Variants in ERBB4 observed in about 807,000 individuals in gnomAD.
ERBB4 encodes the protein erb-b2 receptor tyrosine kinase 4.
In ERBB4, 42 loss-of-function variants were observed where a neutral mutation model predicts 158.0. The observed-to-expected ratio is 0.27, with a 90% CI of 0.21 to 0.34. The LOEUF (loss-of-function observed/expected upper bound fraction) is 0.34. Ranked by LOEUF, ERBB4 falls within the 10% of genes least tolerant of loss-of-function variation. ERBB4 has a pLI of 1.00. For synonymous variants in ERBB4, 583 were observed against 558.7 expected (o/e 1.04, Z -0.61); for missense variants, 1,333 against 1,624.1 (o/e 0.82, Z 3.08).
chr2:211,582,447 G>C (rs148677651), intron 19 of ERBB4, among the ~76,000 whole-genome samples: 3 of 152,118 alleles, frequency 2.0e-5, no homozygotes, highest in Admixed American at 6.6e-5. Flanking sequence ...TTAAGAACCA[G>C]ATCAAACTGA....
At chr2:211,562,731 A>G (rs2125724195) in intron 19 of ERBB4, among the ~76,000 whole-genome samples, 1 of 151,070 alleles carries the variant, frequency 6.6e-6, no homozygotes, top group East Asian at 1.9e-4. Flanking sequence ...GATTCATAAA[A>G]TTTGAGAGCT....
intron 1 of ERBB4, among the ~76,000 whole-genome samples, chr2:212,338,447 G>A (rs1457554963): frequency 6.6e-6 from 1 of 152,080 alleles, no homozygotes; most frequent in Non-Finnish European, 1.5e-5. Flanking sequence ...ATATTTGAAA[G>A]ATCCATATAT....
At chr2:212,222,609 C>G (rs1022058189) in intron 1 of ERBB4, among the ~76,000 whole-genome samples, 1 of 146,400 alleles carries the variant, frequency 6.8e-6, no homozygotes, top group Non-Finnish European at 1.5e-5. Context: ...ACACCATATT[C>G]TCTTGGCTTT....
intron 1 of ERBB4, among the ~76,000 whole-genome samples, chr2:212,376,545 C>T (rs1342127151): frequency 2.6e-5 from 4 of 152,044 alleles, no homozygotes; most frequent in Non-Finnish European, 4.4e-5. Flanking sequence ...ATTCCTCTCA[C>T]CAAACAAAGG....
chr2:211,888,834 T>C (rs2078879602), intron 3 of ERBB4, among the ~76,000 whole-genome samples: 1 of 151,622 alleles, frequency 6.6e-6, no homozygotes, highest in Non-Finnish European at 1.5e-5. Context: ...TATTGCGCTT[T>C]TCAGACCGGC....
intron 1 of ERBB4, among the ~76,000 whole-genome samples, chr2:212,272,342 T>C (rs1372654061): frequency 2.1e-5 from 3 of 142,218 alleles, no homozygotes; most frequent in Admixed American, 6.7e-5. Context: ...ACAATTCCCA[T>C]TTATTTTTCC....
intron 1 of ERBB4, among the ~76,000 whole-genome samples, chr2:212,196,659 G>T (rs2105892144): frequency 6.6e-6 from 1 of 152,206 alleles, no homozygotes; most frequent in South Asian, 2.1e-4. Flanking sequence ...TACTAAACCT[G>T]ATGGAATAGT....
intron 22 of ERBB4, among the ~76,000 whole-genome samples, chr2:211,426,869 G>A (rs1273683325): frequency 2.6e-5 from 4 of 151,622 alleles, no homozygotes; most frequent in Non-Finnish European, 4.4e-5. Context: ...ATCATGTAAT[G>A]TATAAATGCT....
intron 1 of ERBB4, among the ~76,000 whole-genome samples, chr2:212,451,202 A>G (rs1171776206): frequency 2.0e-5 from 3 of 152,236 alleles, no homozygotes. Flanking sequence ...GGATTATGAC[A>G]AAGACTTGGT....
chr2:212,513,929 T>C (rs1691675808), intron 1 of ERBB4, among the ~76,000 whole-genome samples: 2 of 152,260 alleles, frequency 1.3e-5, no homozygotes, highest in Admixed American at 1.3e-4. Flanking sequence ...GTGTATGTTT[T>C]AGTTACTACA....
intron 3 of ERBB4, among the ~76,000 whole-genome samples, chr2:211,828,408 C>A (rs533392776): frequency 2.6e-5 from 4 of 152,194 alleles, no homozygotes; most frequent in African/African-American, 9.6e-5. Flanking sequence ...ATCAAATTTT[C>A]TTCCAGAGCC....
At chr2:211,934,845 C>A (rs1475697209) in intron 3 of ERBB4, among the ~76,000 whole-genome samples, 3 of 146,500 alleles carry the variant, frequency 2.0e-5, no homozygotes, top group Non-Finnish European at 3.0e-5. Flanking sequence ...ATAATTTAAT[C>A]GAATTATACA....
chr2:212,254,754 A>T (rs1270399790), intron 1 of ERBB4, among the ~76,000 whole-genome samples: 1 of 152,170 alleles, frequency 6.6e-6, no homozygotes, highest in Admixed American at 6.6e-5. Flanking sequence ...CAGGATGTGC[A>T]GTGTTTATGC....
At chr2:211,848,148 A>C (rs373795364) in intron 3 of ERBB4, among the ~76,000 whole-genome samples, 2 of 152,152 alleles carry the variant, frequency 1.3e-5, no homozygotes, top group African/African-American at 4.8e-5. Flanking sequence ...TGAAGCATAC[A>C]GTTTAAAATA....
intron 1 of ERBB4, among the ~76,000 whole-genome samples, chr2:212,446,118 T>A (rs184045490): frequency 6.6e-6 from 1 of 152,278 alleles, no homozygotes; most frequent in East Asian, 1.9e-4. Context: ...TTAGGCATAA[T>A]TATGACCTTA....
chr2:211,590,744 T>C (rs2068435376), intron 19 of ERBB4, among the ~76,000 whole-genome samples: 1 of 152,168 alleles, frequency 6.6e-6, no homozygotes, highest in Admixed American at 6.5e-5. Context: ...CTCTTTTGTC[T>C]ATTGCGATTC....
At position 212,184,432 on chromosome 2, in the gene ERBB4, T is replaced by C. The variant is rs74588278; in HGVS notation, c.83-59529A>G. 9.1e-3 allele frequency among the ~76,000 whole-genome samples: 1,385 copies of C among 152,230 alleles called. 16 individuals are homozygous for C. Among genetic ancestry groups the C allele is most frequent in the African/African-American group, 0.031 (1,275 of 41,556 alleles). ...GGCTCTGAATTGGTTGATTTTGTTT[T>C]AGGGTCATTTAATTAACAAATGATC... On this transcript the variant is annotated intron_variant, in intron 1 of 27. Transcript: ENST00000342788.
intron 2 of ERBB4, among the ~76,000 whole-genome samples, chr2:212,087,039 T>C (rs890789583): frequency 1.3e-5 from 2 of 151,984 alleles, no homozygotes; most frequent in Non-Finnish European, 2.9e-5. Context: ...GAAAGATGTA[T>C]ATCTTCCTGC....
At chr2:212,399,910 C>T (rs574428465) in intron 1 of ERBB4, among the ~76,000 whole-genome samples, 4 of 151,496 alleles carry the variant, frequency 2.6e-5, no homozygotes, top group Admixed American at 6.6e-5. Context: ...AAACAAAAAA[C>T]GAGCACAGTA....
Sources: gnomAD v4.1 joint callset for allele counts (sites outside exome capture counted in the v4.1 genomes callset) on GRCh38, gnomAD v4.1.1 for gene constraint, MANE v1.5 for transcripts, NCBI Gene and HGNC (gene_info 2026-07-23, HGNC 2026-07-21) for gene names.